Variants in NT5DC3 observed in about 807,000 individuals in gnomAD.
NT5DC3 encodes the protein 5'-nucleotidase domain containing 3, also known as 5'-nucleotidase domain-containing protein 3.
In NT5DC3, 42 loss-of-function variants were observed where a neutral mutation model predicts 67.8. The ratio of observed to expected loss-of-function variants is 0.62; its 90% CI spans 0.48 to 0.80. The LOEUF (loss-of-function observed/expected upper bound fraction) is 0.80, where lower values mean the gene tolerates loss of function less well. NT5DC3 is among the 30% of genes least tolerant of loss of function. The pLI is 0.00. For missense variants in NT5DC3, 570 were observed against 696.4 expected (o/e 0.82, Z 2.04); for synonymous variants, 237 against 255.6 (o/e 0.93, Z 0.69).
At chr12:103,833,645 A>ATTTT (rs1888023502) in intron 1 of NT5DC3, among the ~76,000 whole-genome samples, 1 of 151,858 alleles carries the variant, frequency 6.6e-6, no homozygotes, top group African/African-American at 2.4e-5. Context: ...TCTTTCCACA[A>ATTTT]TTTAATACAG....
At chr12:103,780,395 T>G in intron 12 of NT5DC3, 31 bp from the exon 13 acceptor site, 1 of 1,603,192 alleles carries the variant, frequency 6.2e-7, no homozygotes, top group Non-Finnish European at 8.5e-7. Flanking sequence ...ATTACAACTG[T>G]TTTGATTTCA....
the NT5DC3 span, chr12:103,746,402 C>T: frequency 1.8e-6 from 1 of 560,126 alleles, no homozygotes; most frequent in Admixed American, 2.9e-5. Flanking sequence ...TCATGTCTTA[C>T]TATAAAAGAG....
intron 4 of NT5DC3, among the ~76,000 whole-genome samples, chr12:103,799,917 C>T (rs1377569292): frequency 1.3e-5 from 2 of 152,110 alleles, no homozygotes; most frequent in Non-Finnish European, 2.9e-5. Context: ...CACTCTCAAG[C>T]GTCAGGAGGG....
At chr12:103,763,600 C>G in the NT5DC3 span, 3 of 1,613,572 alleles carry the variant, frequency 1.9e-6, no homozygotes, top group Admixed American at 1.7e-5. Context: ...TTCCTACGAC[C>G]CCTTCACGGT....
In NT5DC3 at chr12:103,797,057, T is replaced by C. The variant is rs770944384; in HGVS notation, c.616-26A>G. 1.6e-5 allele frequency: 26 copies of C among 1,613,382 alleles called. No homozygotes were observed. The African/African-American group carries it at 2.9e-4, about 18-fold the overall frequency. Reference sequence around the variant, plus strand: ...CTGCAGACAGGGTGGAAGGAATGCTTTAGAAACAGGGGCCCACGCAAGGGA... The same window carrying C: ...CTGCAGACAGGGTGGAAGGAATGCTCTAGAAACAGGGGCCCACGCAAGGGA... On this transcript the variant is annotated intron_variant, in intron 5 of 13. Coordinates refer to ENST00000392876, the MANE Select transcript of NT5DC3 (RefSeq NM_001031701.3).
chr12:103,763,708 CATT>C, the NT5DC3 span: 1 of 1,128,342 alleles, frequency 8.9e-7, no homozygotes, highest in Non-Finnish European at 1.3e-6. Context: ...AAAGAAGGTT[CATT>C]TCTAGAATGT....
chr12:103,799,724 T>C lies in NT5DC3; in HGVS notation c.525-1047A>G, dbSNP rs139103712. On this transcript the variant is annotated intron_variant, in intron 4 of 13. Transcript: ENST00000392876. Reference sequence around the variant, plus strand: ...GGAGAGGAAATGACCCTGAATGCTTTGTGACACTGAAGGCCAGTTTCCTCA... The same window carrying C: ...GGAGAGGAAATGACCCTGAATGCTTCGTGACACTGAAGGCCAGTTTCCTCA... Among the ~76,000 whole-genome samples, 215 of 150,386 alleles carry C rather than the reference T, an allele frequency of 1.4e-3. 2 individuals carry two copies. Among genetic ancestry groups the C allele is most frequent in the African/African-American group, 5.0e-3 (207 of 41,106 alleles).
intron 4 of NT5DC3, among the ~76,000 whole-genome samples, chr12:103,800,873 C>T (rs148313284): frequency 1.3e-5 from 2 of 152,254 alleles, no homozygotes; most frequent in East Asian, 3.9e-4. Context: ...GTCTCAAAGT[C>T]TTCATTCTTA....
chr12:103,763,578 TC>T, the NT5DC3 span: 1 of 1,613,998 alleles, frequency 6.2e-7, no homozygotes, highest in South Asian at 1.1e-5. Context: ...CAACCTCAGC[TC>T]CCCCAGAACC....
At chr12:103,755,220 A>T in the NT5DC3 span, 4 of 1,555,676 alleles carry the variant, frequency 2.6e-6, no homozygotes, top group South Asian at 1.2e-5. Flanking sequence ...TTATGGCCTA[A>T]TAGGGGAATC....
At chr12:103,765,589 G>A (rs1053492751), downstream of NT5DC3, among the ~76,000 whole-genome samples, 1 of 152,180 alleles carries the variant, frequency 6.6e-6, no homozygotes, top group Non-Finnish European at 1.5e-5. Context: ...TTTTAGGCAG[G>A]GTCCTGGTGT....
chr12:103,762,796 G>A, the NT5DC3 span, among the ~76,000 whole-genome samples: 2 of 152,228 alleles, frequency 1.3e-5, no homozygotes, highest in African/African-American at 4.8e-5. Flanking sequence ...CTGGGGGACA[G>A]GGCTAGGGAC....
intron 4 of NT5DC3, among the ~76,000 whole-genome samples, chr12:103,800,188 T>C (rs879223837): frequency 6.6e-6 from 1 of 152,236 alleles, no homozygotes; most frequent in African/African-American, 2.4e-5. Context: ...CTTCAACCTC[T>C]TTCCTCCCGT....
chr12:103,750,813 A>T, the NT5DC3 span: 1 of 1,448,154 alleles, frequency 6.9e-7, no homozygotes, highest in South Asian at 1.4e-5. Context: ...AAAACAGGCC[A>T]AGCCTGGTGG....
chr12:103,761,299 G>C, the NT5DC3 span: 1 of 1,613,912 alleles, frequency 6.2e-7, no homozygotes, highest in South Asian at 1.1e-5. Flanking sequence ...CATTTCCCTA[G>C]ACGGAGACCA....
At chr12:103,813,034 C>G (rs567193662) in intron 2 of NT5DC3, among the ~76,000 whole-genome samples, 1 of 152,180 alleles carries the variant, frequency 6.6e-6, no homozygotes, top group Non-Finnish European at 1.5e-5. Flanking sequence ...GAATTTGAAC[C>G]CCAGCAGTGA....
the NT5DC3 span, chr12:103,758,156 C>A: frequency 6.2e-7 from 1 of 1,613,938 alleles, no homozygotes; most frequent in Non-Finnish European, 8.5e-7. Context: ...TGATGACTTC[C>A]TTCTTCTCCC....
chr12:103,778,534 A>G (rs1346507308), intron 13 of NT5DC3, among the ~76,000 whole-genome samples: 1 of 152,088 alleles, frequency 6.6e-6, no homozygotes, highest in Non-Finnish European at 1.5e-5. Flanking sequence ...CCGTCTCACA[A>G]AAACAAAAAC....
rs1341102109 is a variant in NT5DC3, at chr12:103,785,819, C to T, written c.1189-344G>A. On this transcript the variant is annotated intron_variant, in intron 11 of 13. Coordinates refer to ENST00000392876, the MANE Select transcript of NT5DC3 (RefSeq NM_001031701.3). ...AGAAAGGGGCTTGACCTAAATGCTA[C>T]CAAAGGTCTTCATTCAATTCATCCA... 5 of 453,126 alleles carry T rather than the reference C, an allele frequency of 1.1e-5. No individual in the cohort carries two copies. In the Admixed American group the frequency reaches 1.5e-4, roughly 14 times the overall value. 28.1% of individuals were successfully genotyped at this position (453,126 alleles called of 1,614,324 possible).
Sources: gnomAD v4.1 joint callset for allele counts (sites outside exome capture counted in the v4.1 genomes callset) on GRCh38, gnomAD v4.1.1 for gene constraint, MANE v1.5 for transcripts, NCBI Gene and HGNC (gene_info 2026-07-23, HGNC 2026-07-21) for gene names.